SLC35D2: variants seen among roughly 807,000 people sequenced by gnomAD.
SLC35D2 encodes the protein nucleotide sugar transporter SLC35D2.
In SLC35D2, 43 loss-of-function variants were observed where a neutral mutation model predicts 41.8. The ratio of observed to expected loss-of-function variants is 1.03; its 90% CI spans 0.81 to 1.33. The LOEUF (loss-of-function observed/expected upper bound fraction) is 1.33. Ranked by LOEUF, SLC35D2 falls within the 40% of genes most tolerant of loss-of-function variation. SLC35D2 has a pLI of 0.00. For synonymous variants in SLC35D2, 150 were observed against 163.9 expected, an observed-to-expected ratio of 0.92 and a Z score of 0.65; for missense variants, 380 against 408.4, an observed-to-expected ratio of 0.93 and a Z score of 0.60.
intron 1 of SLC35D2, among the ~76,000 whole-genome samples, chr9:96,369,093 A>G (rs781334000): frequency 1.3e-4 from 20 of 152,014 alleles, no homozygotes; most frequent in Non-Finnish European, 2.5e-4. Flanking sequence ...ATTTGCTTCA[A>G]AATACTCTGG....
chr9:96,363,167 T>A (rs1830347449), intron 3 of SLC35D2, among the ~76,000 whole-genome samples: 2 of 146,918 alleles, frequency 1.4e-5, no homozygotes, highest in African/African-American at 5.3e-5. Flanking sequence ...CCACCTGGCT[T>A]ATTTTTTTTT....
chr9:96,356,382 CTTTTTTTTTTT>C (rs199569097), intron 4 of SLC35D2, among the ~76,000 whole-genome samples: 1 of 101,434 alleles, frequency 9.9e-6, no homozygotes, highest in East Asian at 3.0e-4. Context: ...TTTATTTATT[CTTTTTTTTTTT>C]TTTTTTTTTT....
intron 1 of SLC35D2, among the ~76,000 whole-genome samples, chr9:96,370,871 A>T (rs947784008): frequency 1.3e-5 from 2 of 152,160 alleles, no homozygotes; most frequent in African/African-American, 4.8e-5. Flanking sequence ...AAAGGAGATT[A>T]AAAGAAAGCA....
chr9:96,351,211 G>A (rs1564108191), intron 5 of SLC35D2, 40 bp from the exon 6 acceptor site: 4 of 1,341,266 alleles, frequency 3.0e-6, no homozygotes, highest in Non-Finnish European at 4.3e-6. Context: ...AGGGAGCAGA[G>A]AGGAAAACAT....
At chr9:96,326,805 CAAA>C (rs373966865) in intron 9 of SLC35D2, among the ~76,000 whole-genome samples, 11 of 105,702 alleles carry the variant, frequency 1.0e-4, no homozygotes, top group Admixed American at 3.9e-4. Flanking sequence ...GACTCTGTCT[CAAA>C]AAAAAAAAAA....
chr9:96,364,972 C>T (rs1587710305), intron 2 of SLC35D2, among the ~76,000 whole-genome samples: 1 of 150,646 alleles, frequency 6.6e-6, no homozygotes, highest in Non-Finnish European at 1.5e-5. Context: ...ATCGCTTGAA[C>T]CTGAGAGGCC....
chr9:96,315,247 G>A (rs1175982015), intron 11 of SLC35D2, among the ~76,000 whole-genome samples: 2 of 143,212 alleles, frequency 1.4e-5, no homozygotes, highest in Non-Finnish European at 3.1e-5. Flanking sequence ...AGCCTCCTAA[G>A]TAGGTGGGAC....
chr9:96,352,160 T>C (rs750845427), intron 4 of SLC35D2, 51 bp from the exon 5 acceptor site: 1 of 1,236,320 alleles, frequency 8.1e-7, no homozygotes, highest in Non-Finnish European at 1.2e-6. Flanking sequence ...GGTTGATTGG[T>C]TTTATCTTTT....
intron 8 of SLC35D2, among the ~76,000 whole-genome samples, chr9:96,337,516 C>A (rs1829100002): frequency 6.7e-6 from 1 of 148,878 alleles, no homozygotes; most frequent in South Asian, 2.1e-4. Context: ...CCACACCCAG[C>A]CAAAAAGTTT....
chr9:96,358,342 G>A (rs149229481), intron 4 of SLC35D2, among the ~76,000 whole-genome samples: 2 of 151,652 alleles, frequency 1.3e-5, no homozygotes, highest in Non-Finnish European at 2.9e-5. Flanking sequence ...TTGGTTTGAT[G>A]ATGAGTTTCA....
chr9:96,376,254 C>T (rs1305991867), intron 1 of SLC35D2, among the ~76,000 whole-genome samples: 2 of 138,964 alleles, frequency 1.4e-5, no homozygotes, highest in African/African-American at 5.5e-5. Context: ...TAGATGGAGC[C>T]ACTGCATTCC....
At chr9:96,358,107 T>TATATATATAC (rs1564114171) in intron 4 of SLC35D2, among the ~76,000 whole-genome samples, 1 of 138,506 alleles carries the variant, frequency 7.2e-6, no homozygotes, top group African/African-American at 2.8e-5. Flanking sequence ...TATATATATA[T>TATATATATAC]ACCTGCAATG....
At chr9:96,354,897 T>A (rs1829955900) in intron 4 of SLC35D2, among the ~76,000 whole-genome samples, 1 of 150,304 alleles carries the variant, frequency 6.7e-6, no homozygotes, top group South Asian at 2.1e-4. Context: ...CTACAAAACA[T>A]TGTTAAAAAA....
At chr9:96,326,805 CA>C (rs373966865) in intron 9 of SLC35D2, among the ~76,000 whole-genome samples, 4,932 of 105,682 alleles carry the variant, frequency 0.047, 203 homozygotes, top group African/African-American at 0.15. Context: ...GACTCTGTCT[CA>C]AAAAAAAAAA....
At chr9:96,334,290 C>T (rs1476245650) in intron 9 of SLC35D2, among the ~76,000 whole-genome samples, 1 of 152,104 alleles carries the variant, frequency 6.6e-6, no homozygotes, top group Non-Finnish European at 1.5e-5. Context: ...TACAACTTGT[C>T]CCTATAGAAA....
In SLC35D2 at chr9:96,360,210, C is replaced by T; in HGVS notation, c.291G>A (p.Leu97=). The T allele has an allele frequency of 6.2e-7, 1 of 1,610,710 alleles. No homozygotes were observed. The highest frequency in any genetic ancestry group is 8.5e-7 in the Non-Finnish European group (1 of 1,177,936). The change falls in exon 4 of 12, where the codon CTG becomes CTA. Residue 97 remains leucine (L), a synonymous_variant. Transcript: ENST00000253270. ...DKKIPVKLFP[L]PLLYVGNHIS... is the part of the protein sequence containing the mutation. ...TGTGGTTTCCAACGTAGAGGAGAGG[C>T]AGAGGAAACAGCTTCCATTAAAAAA...
chr9:96,321,088 T>C lies in SLC35D2; in HGVS notation c.*154A>G. On this transcript the variant is annotated 3_prime_UTR_variant, in exon 12 of 12. Transcript: ENST00000253270. ...TCTTGAGACTGCCATTGGCTCATCC[T>C]GCATATGAGGTAGTTCTCTTTGCAT... 1 of 594,120 alleles carries C rather than the reference T, an allele frequency of 1.7e-6. No homozygotes were observed. The highest frequency in any genetic ancestry group is 3.0e-6 in the Non-Finnish European group (1 of 335,062). 36.8% of individuals were successfully genotyped at this position (594,120 alleles called of 1,614,324 possible).
chr9:96,363,261 C>T (rs967873534), intron 3 of SLC35D2, among the ~76,000 whole-genome samples: 7 of 151,996 alleles, frequency 4.6e-5, no homozygotes, highest in Admixed American at 1.3e-4. Context: ...TTGATCTCCC[C>T]GAGTCACTGG....
intron 1 of SLC35D2, among the ~76,000 whole-genome samples, chr9:96,378,842 T>A (rs1441910631): frequency 6.6e-6 from 1 of 151,206 alleles, no homozygotes; most frequent in Non-Finnish European, 1.5e-5. Flanking sequence ...GGTGAGAGGA[T>A]CACCTGAGCC....
Sources: allele counts gnomAD v4.1 joint callset (sites outside exome capture counted in the v4.1 genomes callset), GRCh38; gene constraint gnomAD v4.1.1; transcripts MANE v1.5; gene names NCBI Gene and HGNC (gene_info 2026-07-23, HGNC 2026-07-21).